LRMDA: variants seen among roughly 807,000 people sequenced by gnomAD.
LRMDA encodes the protein leucine rich melanocyte differentiation associated.
A neutral mutation model predicts 29.8 loss-of-function variants in LRMDA; 18 were observed. That is an observed-to-expected ratio of 0.60 (90% confidence interval 0.42 to 0.90). LRMDA has a LOEUF of 0.90. Ranked by LOEUF, LRMDA falls within the 40% of genes least tolerant of loss-of-function variation. The probability of loss-of-function intolerance (pLI) is 0.00; values close to 1 mark genes in which losing one functional copy is unlikely to be tolerated. For synonymous variants in LRMDA, 125 were observed against 109.4 expected (o/e 1.14, Z -0.89); for missense variants, 273 against 273.9 (o/e 1.00, Z 0.02).
chr10:75,618,378 C>CTATA (rs1442553253), intron 2 of LRMDA, among the ~76,000 whole-genome samples: 47 of 62,604 alleles, frequency 7.5e-4, no homozygotes, highest in African/African-American at 2.4e-3. Context: ...CTCTCTCTCT[C>CTATA]TCTCTATATA....
intron 2 of LRMDA, among the ~76,000 whole-genome samples, chr10:75,925,213 T>G (rs181394775): frequency 1.3e-5 from 2 of 152,264 alleles, no homozygotes; most frequent in East Asian, 3.9e-4. Context: ...TTTTGTAAAT[T>G]TTTTTTGCCC....
chr10:76,088,622 CTT>C (rs1285713213), intron 5 of LRMDA, among the ~76,000 whole-genome samples: 1 of 152,146 alleles, frequency 6.6e-6, no homozygotes, highest in Admixed American at 6.6e-5. Context: ...TCTTAATTAC[CTT>C]TTTTGTTAAT....
At chr10:75,563,186 T>G (rs1840322625) in intron 2 of LRMDA, among the ~76,000 whole-genome samples, 1 of 152,108 alleles carries the variant, frequency 6.6e-6, no homozygotes, top group Non-Finnish European at 1.5e-5. Context: ...GTAGATTTGG[T>G]CTTTTCACAT....
chr10:75,591,442 A>T (rs936824444), intron 2 of LRMDA, among the ~76,000 whole-genome samples: 4 of 152,234 alleles, frequency 2.6e-5, no homozygotes, highest in Admixed American at 6.5e-5. Context: ...ATCTGGTGGC[A>T]GAGGTGGGTC....
At chr10:75,943,764 T>C (rs1377831785) in intron 2 of LRMDA, among the ~76,000 whole-genome samples, 4 of 152,176 alleles carry the variant, frequency 2.6e-5, no homozygotes, top group African/African-American at 4.8e-5. Context: ...CTTCATGAAA[T>C]AGTAGGGCTG....
At chr10:75,575,999 T>A (rs1840501431) in intron 2 of LRMDA, among the ~76,000 whole-genome samples, 1 of 150,420 alleles carries the variant, frequency 6.6e-6, no homozygotes, top group Non-Finnish European at 1.5e-5. Flanking sequence ...CAGTGGCGCC[T>A]GGAATGCCAG....
chr10:76,495,829 A>C (rs1842876790), intron 6 of LRMDA, among the ~76,000 whole-genome samples: 2 of 22,666 alleles, frequency 8.8e-5, no homozygotes, highest in Admixed American at 8.9e-4. Context: ...GTATATAGAA[A>C]ATGCAATTGA....
intron 2 of LRMDA, among the ~76,000 whole-genome samples, chr10:75,874,060 C>A (rs1275730238): frequency 1.3e-5 from 2 of 152,176 alleles, no homozygotes; most frequent in Non-Finnish European, 2.9e-5. Context: ...CATCCCTATA[C>A]TTACCACATC....
intron 5 of LRMDA, among the ~76,000 whole-genome samples, chr10:76,062,731 G>T (rs1413274063): frequency 6.6e-6 from 1 of 150,670 alleles, no homozygotes; most frequent in East Asian, 1.9e-4. Context: ...GCTAGGCTTT[G>T]TCATTTCCAA....
intron 2 of LRMDA, among the ~76,000 whole-genome samples, chr10:75,704,454 A>G (rs1249373413): frequency 6.6e-6 from 1 of 152,186 alleles, no homozygotes; most frequent in African/African-American, 2.4e-5. Flanking sequence ...TGAGTTTTAA[A>G]AGTTAATCTT....
At chr10:76,351,340 A>G (rs16933410) in intron 6 of LRMDA, among the ~76,000 whole-genome samples, 6,166 of 152,230 alleles carry the variant, frequency 0.041, 226 homozygotes, top group African/African-American at 0.099. Flanking sequence ...TGTTCTTGAT[A>G]TAGTTTATGT....
chr10:75,960,770 C>G (rs558348714), intron 2 of LRMDA, among the ~76,000 whole-genome samples: 2 of 152,112 alleles, frequency 1.3e-5, no homozygotes, highest in Non-Finnish European at 2.9e-5. Flanking sequence ...TGTGCCACCA[C>G]GCCTGGCTAA....
chr10:75,830,947 C>G (rs965806854), intron 2 of LRMDA, among the ~76,000 whole-genome samples: 1 of 152,084 alleles, frequency 6.6e-6, no homozygotes, highest in Admixed American at 6.5e-5. Flanking sequence ...AACAGGAGTA[C>G]AGGAATTGGG....
chr10:76,399,726 CA>C (rs1841828035), intron 6 of LRMDA, among the ~76,000 whole-genome samples: 1 of 152,192 alleles, frequency 6.6e-6, no homozygotes. Context: ...TACTAGAGTT[CA>C]AAACCTTGGA....
At position 75,769,968 on chromosome 10, in the gene LRMDA, G is replaced by A. The variant is rs141078868; in HGVS notation, c.132-266040G>A. Among the ~76,000 whole-genome samples the A allele has an allele frequency of 4.8e-3, 730 of 152,204 alleles. 4 individuals carry two copies. Among genetic ancestry groups the A allele is most frequent in the African/African-American group, 0.017 (686 of 41,516 alleles). ...ACTGCACTCCAGCCTGGATGACAGA[G>A]CTAGACTCTGTCTCAAAAAAAAATT... is the stretch of plus-strand genomic sequence containing the variant. On this transcript the variant is annotated intron_variant, in intron 2 of 6. Coordinates refer to ENST00000611255, the MANE Select transcript of LRMDA (RefSeq NM_001305581.2).
At chr10:76,227,430 T>C (rs951766812) in intron 5 of LRMDA, among the ~76,000 whole-genome samples, 1 of 152,190 alleles carries the variant, frequency 6.6e-6, no homozygotes, top group African/African-American at 2.4e-5. Context: ...GACAACTGGC[T>C]CCATGAACGT....
chr10:76,218,164 GT>G (rs1851763763), intron 5 of LRMDA, among the ~76,000 whole-genome samples: 1 of 152,212 alleles, frequency 6.6e-6, no homozygotes, highest in Non-Finnish European at 1.5e-5. Context: ...GTAATACTTA[GT>G]GAATGGAATT....
chr10:76,173,049 T>C (rs937639907), intron 5 of LRMDA, among the ~76,000 whole-genome samples: 1 of 130,834 alleles, frequency 7.6e-6, no homozygotes, highest in Non-Finnish European at 1.6e-5. Flanking sequence ...CATGAAAGTG[T>C]TAAGAAGATA....
At chr10:76,518,268 C>T (rs1843082144) in intron 6 of LRMDA, among the ~76,000 whole-genome samples, 2 of 147,154 alleles carry the variant, frequency 1.4e-5, no homozygotes, top group South Asian at 4.4e-4. Flanking sequence ...ATCCATCTAT[C>T]CATTTATCTA....
Sources: allele counts gnomAD v4.1 joint callset (sites outside exome capture counted in the v4.1 genomes callset), GRCh38; gene constraint gnomAD v4.1.1; transcripts MANE v1.5; gene names NCBI Gene and HGNC (gene_info 2026-07-23, HGNC 2026-07-21).